UNC79: variants seen among roughly 807,000 people sequenced by gnomAD.
UNC79 encodes the protein protein unc-79 homolog.
UNC79 carries 37 observed loss-of-function variants against 283.1 expected under a neutral mutation model. That is an observed-to-expected ratio of 0.13 (90% CI 0.10 to 0.17). The LOEUF is 0.17. Ranked by LOEUF, UNC79 falls within the 10% of genes least tolerant of loss-of-function variation. The pLI, the probability that UNC79 is intolerant of heterozygous loss-of-function variation, is 1.00. For synonymous variants in UNC79, 1,107 were observed against 1,200.2 expected (o/e 0.92, Z 1.61); for missense variants, 2,272 against 3,211.1 (o/e 0.71, Z 7.07).
chr14:93,416,046 T>C (rs2140059320), intron 1 of UNC79, among the ~76,000 whole-genome samples: 1 of 150,694 alleles, frequency 6.6e-6, no homozygotes, highest in South Asian at 2.1e-4. Flanking sequence ...TTTTAGTTAT[T>C]TCTTGCCTTC....
chr14:93,479,250 T>G (rs1273536083), intron 4 of UNC79, among the ~76,000 whole-genome samples: 1 of 148,216 alleles, frequency 6.7e-6, no homozygotes, highest in Non-Finnish European at 1.5e-5. Context: ...CCTCCTTCCC[T>G]CCCTTTCTCC....
intron 14 of UNC79, among the ~76,000 whole-genome samples, chr14:93,558,847 C>T (rs1047746265): frequency 1.3e-5 from 2 of 151,896 alleles, no homozygotes; most frequent in African/African-American, 4.8e-5. Flanking sequence ...TTTTCTGTTT[C>T]ATGGAACCTT....
intron 1 of UNC79, among the ~76,000 whole-genome samples, chr14:93,397,761 A>ATTT (rs35050949): frequency 0.023 from 3,193 of 139,174 alleles, 124 homozygotes; most frequent in African/African-American, 0.073. Flanking sequence ...GGTTGGAGTC[A>ATTT]TTTTTTTTTT....
chr14:93,432,329 C>T (rs541801711), intron 1 of UNC79, among the ~76,000 whole-genome samples: 57 of 152,204 alleles, frequency 3.7e-4, no homozygotes, highest in Non-Finnish European at 7.6e-4. Flanking sequence ...TTTTGGAATC[C>T]GGAAGATCTG....
intron 1 of UNC79, among the ~76,000 whole-genome samples, chr14:93,369,122 C>T (rs2054393577): frequency 1.3e-5 from 2 of 152,198 alleles, no homozygotes; most frequent in South Asian, 4.1e-4. Flanking sequence ...AATCACAACA[C>T]AACATACATT....
At chr14:93,424,122 A>G (rs1392795093) in intron 1 of UNC79, among the ~76,000 whole-genome samples, 1 of 152,260 alleles carries the variant, frequency 6.6e-6, no homozygotes, top group Admixed American at 6.5e-5. Flanking sequence ...GTTGCTCTAC[A>G]TCATTGATCA....
intron 38 of UNC79, among the ~76,000 whole-genome samples, chr14:93,657,295 C>T (rs542673334): frequency 1.3e-5 from 2 of 152,082 alleles, no homozygotes; most frequent in South Asian, 2.1e-4. Context: ...CCAATCAGGG[C>T]TTCACTGCTA....
chr14:93,664,982 A>G (rs1409104210), intron 40 of UNC79, among the ~76,000 whole-genome samples: 1 of 152,106 alleles, frequency 6.6e-6, no homozygotes, highest in Non-Finnish European at 1.5e-5. Flanking sequence ...AGGAAAGTCA[A>G]CAAGTAGCAA....
intron 11 of UNC79, among the ~76,000 whole-genome samples, chr14:93,535,766 T>C (rs1235263027): frequency 1.3e-5 from 2 of 152,178 alleles, no homozygotes. Context: ...GAGTATCTAA[T>C]GAGGAAGTTT....
intron 13 of UNC79, among the ~76,000 whole-genome samples, chr14:93,541,525 T>A (rs1010491581): frequency 3.3e-5 from 5 of 152,230 alleles, no homozygotes; most frequent in African/African-American, 1.2e-4. Context: ...CTTTACCAAA[T>A]TGGCATTTAA....
intron 7 of UNC79, among the ~76,000 whole-genome samples, chr14:93,504,593 T>C (rs1470321303): frequency 2.6e-5 from 4 of 151,972 alleles, no homozygotes; most frequent in Admixed American, 6.6e-5. Context: ...TTCCTAGATA[T>C]TTATTTTTAG....
chr14:93,465,685 C>T (rs1348121698), intron 1 of UNC79, among the ~76,000 whole-genome samples: 1 of 152,208 alleles, frequency 6.6e-6, no homozygotes, highest in Non-Finnish European at 1.5e-5. Context: ...GAATTATGAG[C>T]AAGCCATTGA....
chr14:93,626,532 CT>C (rs2067582204), intron 30 of UNC79, among the ~76,000 whole-genome samples: 1 of 152,144 alleles, frequency 6.6e-6, no homozygotes, highest in Admixed American at 6.5e-5. Context: ...AACAAAAGCA[CT>C]TGATCCATGT....
At chr14:93,611,753 T>G (rs1446365970) in intron 26 of UNC79, among the ~76,000 whole-genome samples, 1 of 152,110 alleles carries the variant, frequency 6.6e-6, no homozygotes, top group Non-Finnish European at 1.5e-5. Context: ...GAATGTTTCC[T>G]TGCAGAATGA....
intron 1 of UNC79, among the ~76,000 whole-genome samples, chr14:93,458,502 C>G (rs2056855360): frequency 6.6e-6 from 1 of 151,780 alleles, no homozygotes; most frequent in Non-Finnish European, 1.5e-5. Flanking sequence ...AGCCAATTTG[C>G]AGGAAAAAAA....
chr14:93,561,544 C>T (rs768502252), intron 14 of UNC79, among the ~76,000 whole-genome samples: 5 of 151,974 alleles, frequency 3.3e-5, no homozygotes, highest in Non-Finnish European at 7.4e-5. Context: ...AAATGCAAAG[C>T]AAGCAATTGC....
chr14:93,671,696 C>T (rs1409405597), intron 40 of UNC79, among the ~76,000 whole-genome samples: 2 of 152,086 alleles, frequency 1.3e-5, no homozygotes, highest in Admixed American at 6.5e-5. Flanking sequence ...TGCTTGAACC[C>T]GGGAGGCAGA....
intron 7 of UNC79, among the ~76,000 whole-genome samples, chr14:93,499,143 A>G (rs139136366): frequency 6.6e-6 from 1 of 152,246 alleles, no homozygotes; most frequent in South Asian, 2.1e-4. Flanking sequence ...AGCCCAAAAT[A>G]CATGGTAACA....
intron 1 of UNC79, among the ~76,000 whole-genome samples, chr14:93,431,895 C>T (rs1423469790): frequency 2.6e-5 from 4 of 152,190 alleles, no homozygotes. Context: ...GTAGGTTGAT[C>T]AATGTGAAGC....
Sources: gnomAD v4.1 joint callset for allele counts (sites outside exome capture counted in the v4.1 genomes callset) on GRCh38, gnomAD v4.1.1 for gene constraint, MANE v1.5 for transcripts, NCBI Gene and HGNC (gene_info 2026-07-23, HGNC 2026-07-21) for gene names.